HDAC9: variants seen among roughly 807,000 people sequenced by gnomAD.
The protein encoded by HDAC9 is MEF-2 interacting transcription repressor (MITR) protein.
Under a neutral mutation model 139.4 loss-of-function variants are expected in HDAC9, and 41 were observed. The observed-to-expected ratio is 0.29, with a 90% CI of 0.23 to 0.38. The LOEUF (loss-of-function observed/expected upper bound fraction) is 0.38. HDAC9 is among the 10% of genes least tolerant of loss of function. The pLI, the probability that HDAC9 is intolerant of heterozygous loss-of-function variation, is 1.00. For synonymous variants in HDAC9, 517 were observed against 476.2 expected (o/e 1.09, Z -1.12); for missense variants, 1,147 against 1,297.0 (o/e 0.88, Z 1.78).
chr7:18,525,009 CTT>C lies in HDAC9; in HGVS notation c.22+28687_22+28688del, dbSNP rs1806368820. On this transcript the variant is annotated intron_variant, in intron 2 of 25. Coordinates refer to ENST00000686413, the MANE Select transcript of HDAC9 (RefSeq NM_178425.4). ...ATACTACCCAAGAAATCTTATGAGA[CTT>C]TAAAATCATTTTAAGATTTAATAAT... is the stretch of plus-strand genomic sequence containing the variant. Among the ~76,000 whole-genome samples, 6 of 151,986 alleles carry C rather than the reference CTT, an allele frequency of 3.9e-5. No homozygotes were observed. In the South Asian group the frequency reaches 1.2e-3, roughly 32 times the overall value.
intron 21 of HDAC9, among the ~76,000 whole-genome samples, chr7:18,860,777 A>T (rs1007016603): frequency 6.6e-6 from 1 of 152,192 alleles, no homozygotes; most frequent in Non-Finnish European, 1.5e-5. Context: ...CCTTGTCAGC[A>T]CCCACTGGAA....
chr7:18,676,303 TTCTGTC>T (rs1781503612), intron 12 of HDAC9, among the ~76,000 whole-genome samples: 1 of 152,048 alleles, frequency 6.6e-6, no homozygotes, highest in Non-Finnish European at 1.5e-5. Flanking sequence ...GCAAAGATTT[TTCTGTC>T]TCTGCTTTTT....
At chr7:18,380,860 C>T (rs1270134529) in intron 1 of HDAC9, among the ~76,000 whole-genome samples, 1 of 152,138 alleles carries the variant, frequency 6.6e-6, no homozygotes, top group Non-Finnish European at 1.5e-5. Flanking sequence ...AGAAAGCTAT[C>T]TCTTCATATT....
chr7:18,654,603 C>A (rs1347566863), intron 11 of HDAC9, among the ~76,000 whole-genome samples: 2 of 152,116 alleles, frequency 1.3e-5, no homozygotes, highest in African/African-American at 4.8e-5. Context: ...TGTCCTTAAT[C>A]ATTTGTGCTT....
chr7:18,580,577 A>G (rs1827495917), intron 2 of HDAC9, among the ~76,000 whole-genome samples: 1 of 152,182 alleles, frequency 6.6e-6, no homozygotes, highest in Non-Finnish European at 1.5e-5. Context: ...AGGTCTTGAG[A>G]TCAGTTTAAA....
intron 25 of HDAC9, among the ~76,000 whole-genome samples, chr7:18,986,494 T>A (rs1489570659): frequency 8.4e-6 from 1 of 118,552 alleles, no homozygotes; most frequent in African/African-American, 3.1e-5. Context: ...TAGTTTGAAG[T>A]CAGGTAGTGT....
chr7:18,995,316 C>G (rs1786375249), intron 25 of HDAC9, among the ~76,000 whole-genome samples: 1 of 152,156 alleles, frequency 6.6e-6, no homozygotes, highest in Non-Finnish European at 1.5e-5. Context: ...ACAATTTATT[C>G]TTTTGAGTAA....
chr7:18,834,800 C>T (rs1035361783), intron 19 of HDAC9, among the ~76,000 whole-genome samples: 1 of 152,190 alleles, frequency 6.6e-6, no homozygotes, highest in Non-Finnish European at 1.5e-5. Flanking sequence ...GTGATTCTAA[C>T]TGCGGAGGGA....
chr7:18,779,561 C>T (rs1791067291), intron 16 of HDAC9, among the ~76,000 whole-genome samples: 1 of 151,990 alleles, frequency 6.6e-6, no homozygotes, highest in Non-Finnish European at 1.5e-5. Context: ...AAGTATCCTG[C>T]CCAGCCTGAG....
chr7:18,369,953 A>AT (rs1027442389), intron 1 of HDAC9, among the ~76,000 whole-genome samples: 9 of 151,726 alleles, frequency 5.9e-5, no homozygotes, highest in South Asian at 2.1e-4. Flanking sequence ...CAATGCAATA[A>AT]TTTTTTTTTG....
chr7:18,443,609 C>A (rs907609213), intron 1 of HDAC9, among the ~76,000 whole-genome samples: 4 of 152,034 alleles, frequency 2.6e-5, no homozygotes, highest in Admixed American at 6.6e-5. Context: ...TATTAGTAAA[C>A]CCTCAAGACA....
chr7:18,215,872 A>G (rs1239141347), intron 2 of HDAC9, among the ~76,000 whole-genome samples: 2 of 152,272 alleles, frequency 1.3e-5, no homozygotes, highest in Non-Finnish European at 2.9e-5. Context: ...TCATATAAAT[A>G]CATATTTAGA....
chr7:18,225,079 C>T (rs1004899577), intron 2 of HDAC9, among the ~76,000 whole-genome samples: 3 of 152,090 alleles, frequency 2.0e-5, no homozygotes, highest in African/African-American at 7.2e-5. Flanking sequence ...AAATAAAGAA[C>T]TTGTTGATTT....
chr7:18,972,199 C>T (rs969741019), intron 24 of HDAC9, among the ~76,000 whole-genome samples: 5 of 152,030 alleles, frequency 3.3e-5, no homozygotes, highest in African/African-American at 7.2e-5. Flanking sequence ...AGAAGGACCA[C>T]GATAAGTGAG....
At chr7:18,719,331 C>CCTTTTTTTTTTTTTTTTTTTTTTT (rs1784951129) in intron 12 of HDAC9, among the ~76,000 whole-genome samples, 1 of 73,898 alleles carries the variant, frequency 1.4e-5, no homozygotes, top group Non-Finnish European at 2.4e-5. Context: ...TTTTCTCTTC[C>CCTTTTTTTTTTTTTTTTTTTTTTT]TTTTTTTTTT....
intron 12 of HDAC9, among the ~76,000 whole-genome samples, chr7:18,725,685 A>G (rs942075831): frequency 6.6e-6 from 1 of 152,198 alleles, no homozygotes; most frequent in African/African-American, 2.4e-5. Context: ...GTACCCAGGA[A>G]TTGTAGATCA....
At chr7:18,135,289 C>A (rs1211873700) in intron 1 of HDAC9, among the ~76,000 whole-genome samples, 2 of 147,034 alleles carry the variant, frequency 1.4e-5, no homozygotes, top group African/African-American at 5.0e-5. Context: ...TAGTATTTAC[C>A]ATATTCTTTT....
At chr7:18,862,578 T>C (rs1457274708) in intron 21 of HDAC9, among the ~76,000 whole-genome samples, 1 of 152,212 alleles carries the variant, frequency 6.6e-6, no homozygotes, top group African/African-American at 2.4e-5. Flanking sequence ...AACCCCCTTT[T>C]TGAAGACTTT....
In HDAC9 at chr7:18,996,951, T is replaced by G. The variant is rs1276048294; in HGVS notation, c.*889T>G. On this transcript the variant is annotated 3_prime_UTR_variant, in exon 26 of 26. Transcript: ENST00000686413. ...CGTAACTTTTCAAAGGTGGTCTTAATTTGTTGCATATCTATCAAGGACTTA... is the reference window on the plus strand; with the variant it reads ...CGTAACTTTTCAAAGGTGGTCTTAAGTTGTTGCATATCTATCAAGGACTTA... 2 of 152,194 alleles carry G rather than the reference T, an allele frequency of 1.3e-5. No homozygotes were observed. Among genetic ancestry groups the G allele is most frequent in the East Asian group, 3.8e-4 (2 of 5,196 alleles). The allele number at this position is 152,194 out of a possible 1,614,324, so 9.4% of individuals were successfully genotyped here. A position where few individuals can be genotyped will look rare whatever the true frequency, so the allele number is the denominator to read the frequency against.
Sources: allele counts gnomAD v4.1 joint callset (sites outside exome capture counted in the v4.1 genomes callset), GRCh38; gene constraint gnomAD v4.1.1; transcripts MANE v1.5; gene names NCBI Gene and HGNC (gene_info 2026-07-23, HGNC 2026-07-21).